Variants in PRORP observed in about 807,000 individuals in gnomAD.
The protein encoded by PRORP is protein only RNase P catalytic subunit.
A neutral mutation model predicts 59.4 loss-of-function variants in PRORP; 51 were observed. That is an observed-to-expected ratio of 0.86 (90% CI 0.69 to 1.08). PRORP has a LOEUF of 1.08. Ranked by LOEUF, PRORP falls within the 50% of genes least tolerant of loss-of-function variation. PRORP has a pLI of 0.00. For synonymous variants in PRORP, 231 were observed against 245.6 expected (o/e 0.94, Z 0.55); for missense variants, 646 against 690.3 (o/e 0.94, Z 0.72).
chr14:35,134,935 G>T (rs1308448503), intron 4 of PRORP, among the ~76,000 whole-genome samples: 1 of 152,210 alleles, frequency 6.6e-6, no homozygotes, highest in Non-Finnish European at 1.5e-5. Context: ...ATGGTGGTGA[G>T]GCTTGTGGGA....
intron 5 of PRORP, among the ~76,000 whole-genome samples, chr14:35,206,072 C>CA (rs201739039): frequency 5.4e-4 from 82 of 151,028 alleles, no homozygotes; most frequent in African/African-American, 1.5e-3. Flanking sequence ...GTCATAGGTA[C>CA]AAAAAAAAAT....
intron 4 of PRORP, among the ~76,000 whole-genome samples, chr14:35,132,752 A>G (rs1211966510): frequency 6.7e-6 from 1 of 148,256 alleles, no homozygotes; most frequent in Non-Finnish European, 1.5e-5. Flanking sequence ...GCGCCACAGT[A>G]CTCCAGCCTG....
chr14:35,129,188 A>G (rs917745432), intron 4 of PRORP, among the ~76,000 whole-genome samples: 7 of 152,150 alleles, frequency 4.6e-5, no homozygotes, highest in African/African-American at 7.2e-5. Flanking sequence ...AGCTTGGGCA[A>G]CAAGAGTGAA....
intron 4 of PRORP, among the ~76,000 whole-genome samples, chr14:35,146,120 C>T (rs184935461): frequency 5.9e-5 from 9 of 152,142 alleles, no homozygotes; most frequent in Admixed American, 2.0e-4. Flanking sequence ...TGTGAGCCGC[C>T]GCACTCAGCC....
intron 4 of PRORP, among the ~76,000 whole-genome samples, chr14:35,154,414 C>G (rs565557233): frequency 6.6e-6 from 1 of 152,154 alleles, no homozygotes; most frequent in Admixed American, 6.6e-5. Flanking sequence ...GCACATGACA[C>G]CTCCTTATTA....
chr14:35,261,490 G>A (rs1239268513), intron 5 of PRORP, among the ~76,000 whole-genome samples: 1 of 152,128 alleles, frequency 6.6e-6, no homozygotes, highest in African/African-American at 2.4e-5. Context: ...CAGCACTTTG[G>A]GAGGCCAAGG....
At chr14:35,188,961 A>AAAAAG (rs1555326788) in intron 5 of PRORP, among the ~76,000 whole-genome samples, 1 of 132,776 alleles carries the variant, frequency 7.5e-6, no homozygotes, top group Non-Finnish European at 1.6e-5. Context: ...AAAAAAAAAA[A>AAAAAG]AAAGTATTGC....
intron 5 of PRORP, among the ~76,000 whole-genome samples, chr14:35,265,303 G>T (rs1026301605): frequency 2.0e-5 from 3 of 152,094 alleles, no homozygotes; most frequent in Admixed American, 6.5e-5. Flanking sequence ...TTCTCATAAA[G>T]ATCTTTTATA....
At chr14:35,241,479 T>C (rs1356652245) in intron 5 of PRORP, among the ~76,000 whole-genome samples, 1 of 152,214 alleles carries the variant, frequency 6.6e-6, no homozygotes, top group Non-Finnish European at 1.5e-5. Flanking sequence ...TCACATTATA[T>C]TTCTCTTGGA....
intron 5 of PRORP, among the ~76,000 whole-genome samples, chr14:35,192,086 C>T (rs1483465237): frequency 6.6e-6 from 1 of 152,116 alleles, no homozygotes; most frequent in Non-Finnish European, 1.5e-5. Context: ...CCAAGTTCCT[C>T]ATCGTGGATT....
chr14:35,235,102 G>A (rs886993229), intron 5 of PRORP: 5 of 449,892 alleles, frequency 1.1e-5, no homozygotes, highest in Middle Eastern at 6.9e-4. Context: ...GGAAATGGAA[G>A]CTAATATTTT....
At chr14:35,264,505 G>C (rs2050989958) in intron 5 of PRORP, among the ~76,000 whole-genome samples, 1 of 151,614 alleles carries the variant, frequency 6.6e-6, no homozygotes, top group Non-Finnish European at 1.5e-5. Context: ...CAGTCCTCCA[G>C]TCTCATCCTC....
At chr14:35,131,003 G>A (rs2047225296) in intron 4 of PRORP, among the ~76,000 whole-genome samples, 2 of 151,380 alleles carry the variant, frequency 1.3e-5, no homozygotes, top group African/African-American at 4.9e-5. Flanking sequence ...GAGTGCAATG[G>A]CGCGATCTCA....
At chr14:35,263,381 A>G (rs954894144) in intron 5 of PRORP, among the ~76,000 whole-genome samples, 1 of 152,178 alleles carries the variant, frequency 6.6e-6, no homozygotes. Flanking sequence ...CTTAGTCTTG[A>G]TAGTTACATA....
rs936341451 is a variant in PRORP at position 35,163,704 on chromosome 14, G to A, written c.1168-16966G>A. 1.3e-4 allele frequency among the ~76,000 whole-genome samples: 20 copies of A among 152,010 alleles called. 1 individual carries two copies. The highest frequency in any genetic ancestry group is 5.8e-4 in the East Asian group (3 of 5,200). On this transcript the variant is annotated intron_variant, in intron 4 of 7. Coordinates refer to ENST00000534898, the MANE Select transcript of PRORP (RefSeq NM_014672.4). ...GTTTGTAAATATTTTCTCCTATTCC[G>A]TAAGTTGTCTGTTTACTTTAATAGT...
At chr14:35,181,109 G>C (rs993613001) in intron 5 of PRORP, among the ~76,000 whole-genome samples, 7 of 151,680 alleles carry the variant, frequency 4.6e-5, no homozygotes, top group African/African-American at 1.7e-4. Flanking sequence ...TTTCCCTTTG[G>C]GTCATATCCT....
chr14:35,206,256 C>T (rs1350897762), intron 5 of PRORP, among the ~76,000 whole-genome samples: 2 of 152,102 alleles, frequency 1.3e-5, no homozygotes, highest in Admixed American at 1.3e-4. Context: ...TTTTCATATC[C>T]CTGAATCCTT....
intron 5 of PRORP, among the ~76,000 whole-genome samples, chr14:35,209,350 A>G (rs1450325143): frequency 2.0e-5 from 3 of 152,166 alleles, no homozygotes; most frequent in Non-Finnish European, 4.4e-5. Context: ...CATAAGGAGT[A>G]CCTTCCTCCT....
chr14:35,187,111 C>T (rs761977046), intron 5 of PRORP, among the ~76,000 whole-genome samples: 50 of 152,280 alleles, frequency 3.3e-4, no homozygotes, highest in Non-Finnish European at 4.6e-4. Context: ...AGTAATGCTA[C>T]TATGAACATT....
Sources: gnomAD v4.1 joint callset for allele counts (sites outside exome capture counted in the v4.1 genomes callset) on GRCh38, gnomAD v4.1.1 for gene constraint, MANE v1.5 for transcripts, NCBI Gene and HGNC (gene_info 2026-07-23, HGNC 2026-07-21) for gene names.